SMC3: variants seen among roughly 807,000 people sequenced by gnomAD.
The protein encoded by SMC3 is structural maintenance of chromosomes protein 3.
In SMC3, 20 loss-of-function variants were observed where a neutral mutation model predicts 171.8. That is an observed-to-expected ratio of 0.12 (90% CI 0.08 to 0.17). SMC3 has a LOEUF of 0.17. SMC3 is among the 10% of genes least tolerant of loss of function. The pLI is 1.00. For synonymous variants in SMC3, 464 were observed against 451.1 expected (o/e 1.03, Z -0.36); for missense variants, 543 against 1,420.4 (o/e 0.38, Z 9.93).
At chr10:110,570,713 T>C (rs1336925457) in intron 2 of SMC3, among the ~76,000 whole-genome samples, 1 of 152,224 alleles carries the variant, frequency 6.6e-6, no homozygotes, top group Non-Finnish European at 1.5e-5. Context: ...ATAAGGTCCA[T>C]CAAATACCAT....
rs115314965 is a variant in SMC3, at chr10:110,567,965, G to A, written c.15+134G>A. 1,964 of 1,112,234 alleles carry A rather than the reference G, an allele frequency of 1.8e-3. 27 individuals carry two copies. The African/African-American group carries it at 0.025, about 14-fold the overall frequency. The allele number at this position is 1,112,234 out of a possible 1,614,324, so 68.9% of individuals were successfully genotyped here. On this transcript the variant is annotated intron_variant, in intron 1 of 28. Transcript: ENST00000361804. Reference sequence around the variant, plus strand: ...ACCAGGGCTGGGCGGGGACTGTGGGGGAGGAGGGAGACCCGGGTCCCGCTA... The same window carrying A: ...ACCAGGGCTGGGCGGGGACTGTGGGAGAGGAGGGAGACCCGGGTCCCGCTA...
chr10:110,575,321 T>A lies in SMC3; in HGVS notation c.131-15T>A, dbSNP rs1331797789. ...CTTTTTTAGGGTATACTAATAGTTG[T>A]TTTTGTATTTCCAGCAATTCAGTTT... is the stretch of plus-strand genomic sequence containing the variant. On this transcript the variant is annotated splice_polypyrimidine_tract_variant and intron_variant, in intron 3 of 28. Transcript: ENST00000361804. 6 of 1,607,950 alleles carry A rather than the reference T, an allele frequency of 3.7e-6. No individual in the cohort carries two copies. The highest frequency in any genetic ancestry group is 5.1e-6 in the Non-Finnish European group (6 of 1,174,806).
chr10:110,588,294 T>A (rs1861155961), intron 13 of SMC3, among the ~76,000 whole-genome samples: 1 of 152,120 alleles, frequency 6.6e-6, no homozygotes, highest in Non-Finnish European at 1.5e-5. Context: ...CCGGCCAATC[T>A]AAGATTTTGT....
chr10:110,582,145 T>C (rs769651417), intron 9 of SMC3, 47 bp downstream of exon 9: 1 of 1,516,444 alleles, frequency 6.6e-7, no homozygotes, highest in South Asian at 1.1e-5. Flanking sequence ...ATTTTGTTTT[T>C]ATGAATTTGT....
chr10:110,602,420 G>C, intron 25 of SMC3, 54 bp from the exon 26 acceptor site: 4 of 1,374,870 alleles, frequency 2.9e-6, no homozygotes, highest in Non-Finnish European at 4.1e-6. Context: ...TTTTACTTAA[G>C]TGTTATATAT....
intron 13 of SMC3, among the ~76,000 whole-genome samples, chr10:110,584,776 AG>A (rs1335113486): frequency 4.3e-4 from 66 of 152,260 alleles, no homozygotes; most frequent in Middle Eastern, 6.8e-3. Context: ...ATGTATCACC[AG>A]GCCCAGCAAA....
At chr10:110,595,720 A>C (rs1378091651) in intron 18 of SMC3, among the ~76,000 whole-genome samples, 1 of 141,108 alleles carries the variant, frequency 7.1e-6, no homozygotes, top group East Asian at 2.1e-4. Flanking sequence ...TCATTTTTTA[A>C]AAAAGTATCA....
intron 28 of SMC3, among the ~76,000 whole-genome samples, chr10:110,603,940 C>T (rs529725879): frequency 4.0e-5 from 6 of 151,718 alleles, no homozygotes; most frequent in Non-Finnish European, 7.4e-5. Flanking sequence ...ACTAAAAATA[C>T]AAAAATTAGC....
rs940662063 is a variant in SMC3 at position 110,605,220 on chromosome 10, G to A, written c.*918G>A. Among the ~76,000 whole-genome samples, 9 of 152,184 alleles carry A rather than the reference G, an allele frequency of 5.9e-5. No individual in the cohort carries two copies. The highest frequency in any genetic ancestry group is 1.9e-4 in the African/African-American group (8 of 41,550). ...ACTTGCCAGGTTTCTTTGTTGTGAA[G>A]TTACATTTTTTTCCCTTTCCATACT... On this transcript the variant is annotated 3_prime_UTR_variant, in exon 29 of 29. Transcript: ENST00000361804.
At chr10:110,590,306 T>G in intron 15 of SMC3, 106 bp from the exon 16 acceptor site, 1 of 954,398 alleles carries the variant, frequency 1.0e-6, no homozygotes, top group African/African-American at 1.6e-5. Flanking sequence ...ATGTTTAGTT[T>G]AATCACTGGT....
chr10:110,598,320 G>T, intron 20 of SMC3, 30 bp downstream of exon 20: 1 of 1,578,860 alleles, frequency 6.3e-7, no homozygotes, highest in South Asian at 1.1e-5. Flanking sequence ...GTTATAGATC[G>T]ATTGTTACAG....
intron 2 of SMC3, among the ~76,000 whole-genome samples, chr10:110,571,789 CATTTTTAAATAAAAATGG>C (rs1860877036): frequency 1.5e-4 from 2 of 13,550 alleles, no homozygotes; most frequent in Non-Finnish European, 9.5e-4. Flanking sequence ...AAAATGGGTT[CATTTTTAAATAAAAATGG>C]GTTCATTTTT....
chr10:110,602,201 A>G, intron 25 of SMC3, 23 bp downstream of exon 25: 1 of 1,580,728 alleles, frequency 6.3e-7, no homozygotes, highest in Non-Finnish European at 8.7e-7. Flanking sequence ...TTGTAGTTAA[A>G]ACATACACAC....
chr10:110,573,549 G>A (rs1192617622), intron 2 of SMC3, among the ~76,000 whole-genome samples, 158 bp from the exon 3 acceptor site: 2 of 108,766 alleles, frequency 1.8e-5, no homozygotes, highest in African/African-American at 6.9e-5. Context: ...GGTGATTATA[G>A]TTGTTTTATT....
Position 110,601,777 on chromosome 10 carries a change from C to A in SMC3, c.2785C>A (p.Gln929Lys). The stretch of plus-strand genomic sequence containing the variant: ...AGAACTGGAAAAGATGACAAATCGG[C>A]AAGGCATGCTATTGAAGAAGAAAGA... ...TKELEKMTNR[Q>K]GMLLKKKEEC... is the part of the protein sequence containing the mutation. The change falls in exon 24 of 29, where the codon CAA (glutamine) becomes AAA (lysine). Residue 929 changes from glutamine to lysine, a missense_variant. Coordinates refer to ENST00000361804, the MANE Select transcript of SMC3 (RefSeq NM_005445.4). The A allele has an allele frequency of 6.2e-7, 1 of 1,613,744 alleles. No individual in the cohort carries two copies. Among genetic ancestry groups the A allele is most frequent in the South Asian group, 1.1e-5 (1 of 91,070 alleles).
intron 19 of SMC3, 37 bp downstream of exon 19, chr10:110,596,587 G>A (rs746879001): frequency 4.4e-6 from 7 of 1,594,964 alleles, no homozygotes; most frequent in Non-Finnish European, 6.0e-6. Flanking sequence ...TAGATATTGT[G>A]GGGGAAGAAC....
intron 4 of SMC3, among the ~76,000 whole-genome samples, chr10:110,575,703 T>C (rs1256227110): frequency 2.0e-5 from 3 of 152,252 alleles, no homozygotes; most frequent in African/African-American, 4.8e-5. Context: ...TATTCTGCTG[T>C]GAAATTTAGC....
In SMC3 at chr10:110,593,082, C is replaced by T. The variant is rs1167350115; in HGVS notation, c.1822C>T (p.Pro608Ser). The T allele has an allele frequency of 6.2e-7, 1 of 1,613,720 alleles. No individual in the cohort carries two copies. The highest frequency in any genetic ancestry group is 8.5e-7 in the Non-Finnish European group (1 of 1,179,674). The change falls in exon 18 of 29, where the codon CCT becomes TCT. Residue 608 changes from proline (P) to serine (S), a missense_variant. Transcript: ENST00000361804. ...AAAATTTCATTTTTAGGATGCTATT[C>T]CTATGATCAGCAAACTGAGGTACAA... is the stretch of plus-strand genomic sequence containing the variant. ...TAYPETNDAI[P>S]MISKLRYNPR...
chr10:110,568,140 G>T (rs1281999361), intron 1 of SMC3, among the ~76,000 whole-genome samples: 2 of 152,028 alleles, frequency 1.3e-5, no homozygotes, highest in African/African-American at 4.8e-5. Flanking sequence ...TTCCTGGGTG[G>T]CCCCAGAGCT....
Sources: gnomAD v4.1 joint callset for allele counts (sites outside exome capture counted in the v4.1 genomes callset) on GRCh38, gnomAD v4.1.1 for gene constraint, MANE v1.5 for transcripts, NCBI Gene and HGNC (gene_info 2026-07-23, HGNC 2026-07-21) for gene names.